MYH9: variants seen among roughly 807,000 people sequenced by gnomAD.
MYH9 encodes the protein myosin heavy chain 9, also known as myosin-9.
Under a neutral mutation model 241.9 loss-of-function variants are expected in MYH9, and 29 were observed. The observed-to-expected ratio is 0.12, with a 90% CI of 0.09 to 0.16. The LOEUF (loss-of-function observed/expected upper bound fraction) is 0.16. MYH9 is among the 10% of genes least tolerant of loss of function. The pLI, the probability that MYH9 is intolerant of heterozygous loss-of-function variation, is 1.00. For missense variants in MYH9, 1,803 were observed against 2,595.5 expected (o/e 0.69, Z 6.63); for synonymous variants, 1,047 against 1,062.6 (o/e 0.99, Z 0.29).
intron 5 of MYH9, 132 bp downstream of exon 5, chr22:36,326,436 T>C (rs1235575808): frequency 1.1e-6 from 1 of 896,482 alleles, no homozygotes; most frequent in Non-Finnish European, 1.9e-6. Flanking sequence ...TCAATGGAAA[T>C]GGGCCCAGCC....
rs1260320952 is a variant in MYH9, at chr22:36,329,520, G to A, written c.491-2032C>T. On this transcript the variant is annotated intron_variant, in intron 3 of 40. Transcript: ENST00000216181. The surrounding 1 kb of genome is among the most constrained non-coding windows in gnomAD (Gnocchi z 4.1). ...TCTCCCTGTGGTCTGCCCCAGCTGT[G>A]GGCATGTTTAGTCACCGGCTCTACT... Among the ~76,000 whole-genome samples the A allele has an allele frequency of 2.0e-5, 3 of 152,168 alleles. No individual in the cohort carries two copies. Among genetic ancestry groups the A allele is most frequent in the Non-Finnish European group, 1.5e-5 (1 of 68,028 alleles).
intron 3 of MYH9, among the ~76,000 whole-genome samples, chr22:36,333,013 C>T (rs1011301225): frequency 6.6e-6 from 1 of 152,072 alleles, no homozygotes; most frequent in African/African-American, 2.4e-5. Context: ...ATTTCCCTTG[C>T]GAAAAGGAAA....
chr22:36,346,590 G>A (rs1357682510), intron 2 of MYH9, among the ~76,000 whole-genome samples: 1 of 152,078 alleles, frequency 6.6e-6, no homozygotes, highest in Non-Finnish European at 1.5e-5. Context: ...AAGTGGGAAG[G>A]CCATAATAAT....
intron 2 of MYH9, among the ~76,000 whole-genome samples, chr22:36,346,235 T>C (rs567628080): frequency 6.6e-6 from 1 of 151,830 alleles, no homozygotes; most frequent in East Asian, 1.9e-4. Flanking sequence ...ATGAGCCAGG[T>C]TCATCCCCCA....
At chr22:36,321,486 C>A (rs1232682933) in intron 7 of MYH9, among the ~76,000 whole-genome samples, 1 of 152,226 alleles carries the variant, frequency 6.6e-6, no homozygotes, top group Non-Finnish European at 1.5e-5. Context: ...TGGCATCCCC[C>A]AAACGCCTAC....
intron 18 of MYH9, among the ~76,000 whole-genome samples, chr22:36,304,641 GGGA>G (rs1171042739): frequency 6.6e-6 from 1 of 152,194 alleles, no homozygotes; most frequent in African/African-American, 2.4e-5. Flanking sequence ...TGGGGAGGGA[GGGA>G]GGAGAAGCCC....
intron 1 of MYH9, among the ~76,000 whole-genome samples, chr22:36,375,751 G>A (rs912258286): frequency 6.6e-6 from 1 of 152,090 alleles, no homozygotes; most frequent in Non-Finnish European, 1.5e-5. Flanking sequence ...TAGGTGCAGT[G>A]GTGGCTCACG....
chr22:36,296,801 GC>G, intron 25 of MYH9, 41 bp downstream of exon 25: 1 of 1,572,054 alleles, frequency 6.4e-7, no homozygotes, highest in South Asian at 1.1e-5. Flanking sequence ...GGAAGGGCTG[GC>G]CCAGGCCACC....
At chr22:36,381,168 C>A (rs1269814937) in intron 1 of MYH9, among the ~76,000 whole-genome samples, 2 of 152,090 alleles carry the variant, frequency 1.3e-5, no homozygotes, top group Non-Finnish European at 2.9e-5. Flanking sequence ...GCCAGCTGGA[C>A]CCCTTATTTT....
chr22:36,363,411 CAGTCCA>C (rs1392633252), intron 1 of MYH9, among the ~76,000 whole-genome samples: 5 of 152,038 alleles, frequency 3.3e-5, no homozygotes, highest in Admixed American at 1.3e-4. Flanking sequence ...GGGAACCTGG[CAGTCCA>C]AGAGAATGAC....
In MYH9 at chr22:36,322,301, G is replaced by C. The variant is rs565655167; in HGVS notation, c.705+128C>G. 2.2e-5 allele frequency: 23 copies of C among 1,051,800 alleles called. No individual in the cohort carries two copies. The Admixed American group carries it at 4.0e-4, about 18-fold the overall frequency. 65.2% of individuals were successfully genotyped at this position (1,051,800 alleles called of 1,614,324 possible). The stretch of plus-strand genomic sequence containing the variant: ...TCGGTCTGGCCTAGTCCACACGACA[G>C]GCCAGATAGCACCGAGTCTGAACCG... On this transcript the variant is annotated intron_variant, in intron 6 of 40. Transcript: ENST00000216181.
At chr22:36,338,585 C>T (rs569505043) in intron 3 of MYH9, among the ~76,000 whole-genome samples, 73 of 151,544 alleles carry the variant, frequency 4.8e-4, no homozygotes, top group African/African-American at 1.7e-3. Context: ...TTTGGGAGGC[C>T]GAGGCGGGTG....
At chr22:36,325,603 C>T (rs1052242445) in intron 5 of MYH9, among the ~76,000 whole-genome samples, 5 of 152,236 alleles carry the variant, frequency 3.3e-5, no homozygotes, top group Admixed American at 2.0e-4. Flanking sequence ...ACTGGCACGG[C>T]GGTGGCAGGT....
At chr22:36,316,367 AAC>A (rs1556636261) in intron 12 of MYH9, 148 bp downstream of exon 12, 1 of 1,139,196 alleles carries the variant, frequency 8.8e-7, no homozygotes. Context: ...AAAAAAAAAA[AAC>A]AACCCCACAC....
chr22:36,374,310 G>A (rs2018133331), intron 1 of MYH9, among the ~76,000 whole-genome samples: 1 of 152,058 alleles, frequency 6.6e-6, no homozygotes, highest in Non-Finnish European at 1.5e-5. Context: ...CTGAGGTCAG[G>A]AGTTTTTGAG....
At chr22:36,355,619 C>G (rs542630805) in intron 1 of MYH9, among the ~76,000 whole-genome samples, 1 of 152,260 alleles carries the variant, frequency 6.6e-6, no homozygotes, top group African/African-American at 2.4e-5. Context: ...GCTGCATAGA[C>G]CAAGGACCTG....
chr22:36,334,055 G>A (rs1379229338), intron 3 of MYH9, among the ~76,000 whole-genome samples: 1 of 151,076 alleles, frequency 6.6e-6, no homozygotes, highest in East Asian at 1.9e-4. Flanking sequence ...AGTGGGCCCA[G>A]AGCAAAGCAT....
chr22:36,322,836 A>C (rs1446678841), intron 5 of MYH9, among the ~76,000 whole-genome samples: 1 of 152,224 alleles, frequency 6.6e-6, no homozygotes, highest in Non-Finnish European at 1.5e-5. Flanking sequence ...GCAGCACTTA[A>C]ACTAGGGAGC....
Position 36,321,587 on chromosome 22 carries a change from T to C in MYH9, c.769+171A>G, listed in dbSNP as rs8138583. On this transcript the variant is annotated intron_variant, in intron 7 of 40. Coordinates refer to ENST00000216181, the MANE Select transcript of MYH9 (RefSeq NM_002473.6). The stretch of plus-strand genomic sequence containing the variant: ...TGTAAATAAGGAAAGCCCTAAGCTC[T>C]GTGTTGGGTTTGCACTAGCCGATCC... Among the ~76,000 whole-genome samples, 1,130 of 152,280 alleles carry C rather than the reference T, an allele frequency of 7.4e-3. 12 individuals carry two copies. The highest frequency in any genetic ancestry group is 0.024 in the African/African-American group (1,007 of 41,556).
Sources: gnomAD v4.1 joint callset for allele counts (sites outside exome capture counted in the v4.1 genomes callset) on GRCh38, gnomAD v4.1.1 for gene constraint, Gnocchi (gnomAD v3.1) non-coding constraint, MANE v1.5 for transcripts, NCBI Gene and HGNC (gene_info 2026-07-23, HGNC 2026-07-21) for gene names.